The following ANKRD30B variants were observed in gnomAD, a reference collection of about 807,000 sequenced individuals.
ANKRD30B encodes ankyrin repeat domain 30B, also known as ankyrin repeat domain-containing protein 30B.
Under a neutral mutation model 202.2 loss-of-function variants are expected in ANKRD30B, and 144 were observed. That is an observed-to-expected ratio of 0.71 (90% confidence interval 0.62 to 0.82). The LOEUF is 0.82. ANKRD30B is among the 40% of genes least tolerant of loss of function. The pLI, the probability that ANKRD30B is intolerant of heterozygous loss-of-function variation, is 0.00. For synonymous variants in ANKRD30B, 508 were observed against 561.3 expected (o/e 0.91, Z 1.34); for missense variants, 1,487 against 1,669.1 (o/e 0.89, Z 1.90).
At chr18:14,807,754 A>T (rs1401940629) in intron 24 of ANKRD30B, among the ~76,000 whole-genome samples, 2 of 148,768 alleles carry the variant, frequency 1.3e-5, no homozygotes, top group Non-Finnish European at 3.0e-5. Context: ...CTGCTTTGGA[A>T]CTCCTGGCCT....
At chr18:14,795,866 T>C (rs911408969) in intron 16 of ANKRD30B, among the ~76,000 whole-genome samples, 3 of 152,044 alleles carry the variant, frequency 2.0e-5, no homozygotes, top group African/African-American at 7.2e-5. Flanking sequence ...TTTTTTTTTT[T>C]TGGCGGTGGG....
chr18:14,880,744 C>G, the ANKRD30B span, among the ~76,000 whole-genome samples: 1 of 151,944 alleles, frequency 6.6e-6, no homozygotes, highest in African/African-American at 2.4e-5. Context: ...TCTATGATTT[C>G]TTTCAGCATT....
chr18:14,787,272 T>C (rs1303782220), intron 15 of ANKRD30B, among the ~76,000 whole-genome samples, 172 bp downstream of exon 15: 1 of 152,218 alleles, frequency 6.6e-6, no homozygotes, highest in African/African-American at 2.4e-5. Context: ...GATTACCACT[T>C]CATGGTGAAA....
intron 5 of ANKRD30B, 102 bp from the exon 6 acceptor site, chr18:14,760,452 C>T (rs1426391819): frequency 1.6e-6 from 1 of 636,634 alleles, no homozygotes; most frequent in African/African-American, 1.9e-5. Context: ...CTGATGTTAG[C>T]TCTGATATTG....
chr18:14,866,190 A>C, the ANKRD30B span, among the ~76,000 whole-genome samples: 31 of 152,386 alleles, frequency 2.0e-4, 1 homozygote, highest in Admixed American at 1.9e-3. Context: ...TAGGCTCTCC[A>C]GTATCTCCAG....
downstream of ANKRD30B, among the ~76,000 whole-genome samples, chr18:14,858,834 G>A (rs1972139803): frequency 9.5e-6 from 1 of 105,580 alleles, no homozygotes; most frequent in African/African-American, 4.0e-5. Context: ...TCATTTCCCA[G>A]ACGGGGTGGC....
In ANKRD30B at chr18:14,852,112, A is replaced by G; in HGVS notation, c.4168A>G (p.Thr1390Ala). 1 of 1,606,188 alleles carries G rather than the reference A, an allele frequency of 6.2e-7. No homozygotes were observed. The highest frequency in any genetic ancestry group is 8.5e-7 in the Non-Finnish European group (1 of 1,175,668). Residue 1390 changes from threonine (T) to alanine (A), a missense_variant, in exon 42 of 44, where the codon ACA (threonine) becomes GCA (alanine). Physicochemically the swap from Thr to Ala is moderately conservative, Grantham distance 58. Coordinates refer to ENST00000690538, the MANE Select transcript of ANKRD30B (RefSeq NM_001367607.2). The stretch of plus-strand genomic sequence containing the variant: ...ACATGCACAAAGAGACCGATGTGAA[A>G]CACAGTGTCAAATGAAGAAAGCTGA... ...SEHAQRDRCE[T>A]QCQMKKAEHM...
intron 1 of ANKRD30B, among the ~76,000 whole-genome samples, chr18:14,749,691 A>T (rs1165286764): frequency 6.6e-6 from 1 of 150,432 alleles, no homozygotes; most frequent in Non-Finnish European, 1.5e-5. Context: ...AAAAAAAAAA[A>T]AAAAAAAAAA....
chr18:14,818,016 T>G (rs1679271293), intron 30 of ANKRD30B, among the ~76,000 whole-genome samples: 1 of 152,150 alleles, frequency 6.6e-6, no homozygotes, highest in Non-Finnish European at 1.5e-5. Flanking sequence ...GCATATATAC[T>G]TGATATGTCT....
At chr18:14,807,847 A>G (rs1969619150) in intron 24 of ANKRD30B, among the ~76,000 whole-genome samples, 1 of 150,894 alleles carries the variant, frequency 6.6e-6, no homozygotes, top group South Asian at 2.1e-4. Context: ...TAGTTTGTGG[A>G]TGGGTGTGCT....
At chr18:14,811,276 A>G (rs1969905621) in intron 28 of ANKRD30B, among the ~76,000 whole-genome samples, 1 of 151,050 alleles carries the variant, frequency 6.6e-6, no homozygotes, top group Admixed American at 6.6e-5. Flanking sequence ...CAGTGGTGTG[A>G]TCTTGGCGCA....
At chr18:14,754,780 G>A in intron 3 of ANKRD30B, 119 bp from the exon 4 acceptor site, 1 of 645,268 alleles carries the variant, frequency 1.5e-6, no homozygotes, top group Non-Finnish European at 2.4e-6. Flanking sequence ...GACTGCTATT[G>A]ATTTACTTAT....
In ANKRD30B at chr18:14,848,719, C is replaced by A. The variant is rs1476807181; in HGVS notation, c.3185C>A (p.Ser1062Ter). 6 of 1,533,660 alleles carry A rather than the reference C, an allele frequency of 3.9e-6. No homozygotes were observed. Among genetic ancestry groups the A allele is most frequent in the Middle Eastern group, 1.7e-4 (1 of 5,794 alleles). The part of the protein sequence containing the change: ...WKNKQTLRAD[S>*]TTLSKILDAL... ...TTCTATCTCCTCCTTGAGACAGATTCAACTACCCTATCAAAAATCTTGGAT... is the reference window on the plus strand; with the variant it reads ...TTCTATCTCCTCCTTGAGACAGATTAAACTACCCTATCAAAAATCTTGGAT... The change falls in exon 40 of 44, where the codon TCA becomes TAA. Residue 1062 changes from serine to a stop codon, truncating the protein, a stop_gained. Coordinates refer to ENST00000690538, the MANE Select transcript of ANKRD30B (RefSeq NM_001367607.2). LOFTEE classifies it high-confidence loss of function.
At chr18:14,883,122 G>A in the ANKRD30B span, among the ~76,000 whole-genome samples, 225 of 152,222 alleles carry the variant, frequency 1.5e-3, 3 homozygotes, top group East Asian at 0.024. Flanking sequence ...CTTTCAAGGT[G>A]TTTAAAGAAG....
chr18:14,907,012 G>A, the ANKRD30B span, among the ~76,000 whole-genome samples: 2 of 152,116 alleles, frequency 1.3e-5, no homozygotes, highest in Non-Finnish European at 2.9e-5. Context: ...TCAATAGAAA[G>A]GAAATGTCTC....
chr18:14,916,878 G>A, the ANKRD30B span, among the ~76,000 whole-genome samples: 1 of 152,146 alleles, frequency 6.6e-6, no homozygotes, highest in African/African-American at 2.4e-5. Context: ...TTGGTAGTTG[G>A]AAACACAGGC....
the ANKRD30B span, among the ~76,000 whole-genome samples, chr18:14,882,796 G>T: frequency 0.4 from 60,803 of 151,568 alleles, 13,568 homozygotes; most frequent in East Asian, 0.59. Context: ...CCAGTGTTAG[G>T]TCCATGTATG....
intron 16 of ANKRD30B, among the ~76,000 whole-genome samples, chr18:14,792,729 AATAT>A (rs34809108): frequency 0.51 from 75,503 of 147,550 alleles, 19,319 homozygotes; most frequent in Non-Finnish European, 0.53. Context: ...TGAGGCATCA[AATAT>A]ATATATATAT....
At chr18:14,845,442 T>A (rs1220372578) in intron 39 of ANKRD30B, among the ~76,000 whole-genome samples, 5 of 151,968 alleles carry the variant, frequency 3.3e-5, no homozygotes, top group African/African-American at 1.2e-4. Context: ...TAAGTTGTCA[T>A]GTTTATTCAC....
Sources: gnomAD v4.1 joint callset for allele counts (sites outside exome capture counted in the v4.1 genomes callset) on GRCh38, gnomAD v4.1.1 for gene constraint, MANE v1.5 for transcripts, NCBI Gene and HGNC (gene_info 2026-07-23, HGNC 2026-07-21) for gene names.